Variants in RHEX observed in about 807,000 individuals in gnomAD.
RHEX encodes regulator of hemoglobinization and erythroid cell expansion protein.
A neutral mutation model predicts 20.1 loss-of-function variants in RHEX; 18 were observed. That is an observed-to-expected ratio of 0.90 (90% CI 0.62 to 1.33). The LOEUF (loss-of-function observed/expected upper bound fraction) is 1.33. RHEX is among the 40% of genes most tolerant of loss of function. The probability of loss-of-function intolerance (pLI) is 0.00; values close to 1 mark genes in which losing one functional copy is unlikely to be tolerated. For missense variants in RHEX, 192 were observed against 214.3 expected, an observed-to-expected ratio of 0.90 and a Z score of 0.65; for synonymous variants, 87 against 77.1, an observed-to-expected ratio of 1.13 and a Z score of -0.67.
intron 1 of RHEX, among the ~76,000 whole-genome samples, chr1:206,092,071 T>C (rs79939854): frequency 0.046 from 6,887 of 150,852 alleles, 190 homozygotes; most frequent in Non-Finnish European, 0.071. Context: ...TCTTTCTCTC[T>C]CTTTCTTTCT....
At chr1:206,056,203 G>A (rs1348406516) in intron 1 of RHEX, among the ~76,000 whole-genome samples, 3 of 152,264 alleles carry the variant, frequency 2.0e-5, no homozygotes, top group East Asian at 3.9e-4. Flanking sequence ...CCTAACCACC[G>A]AGACCATCCT....
intron 1 of RHEX, among the ~76,000 whole-genome samples, chr1:206,065,755 C>T (rs1341147484): frequency 6.6e-6 from 1 of 152,232 alleles, no homozygotes; most frequent in East Asian, 1.9e-4. Flanking sequence ...GAAGCTGCCT[C>T]TCCATCCATA....
At chr1:206,071,514 A>G (rs1371644944) in intron 1 of RHEX, among the ~76,000 whole-genome samples, 2 of 146,454 alleles carry the variant, frequency 1.4e-5, no homozygotes, top group African/African-American at 5.0e-5. Context: ...ATATGATAAT[A>G]TTCTGTAAAC....
intron 4 of RHEX, among the ~76,000 whole-genome samples, 187 bp from the exon 5 acceptor site, chr1:206,100,949 C>G (rs1663173665): frequency 6.6e-6 from 1 of 152,120 alleles, no homozygotes; most frequent in Non-Finnish European, 1.5e-5. Flanking sequence ...CTACTCTTCC[C>G]CTATTCTGTT....
chr1:206,081,128 T>A (rs1375665331), intron 1 of RHEX, among the ~76,000 whole-genome samples: 1 of 152,016 alleles, frequency 6.6e-6, no homozygotes, highest in Non-Finnish European at 1.5e-5. Flanking sequence ...GGCTGAAGAG[T>A]CTTTTGGAGC....
chr1:206,054,839 T>G (rs1158557155), intron 1 of RHEX, among the ~76,000 whole-genome samples: 2 of 152,270 alleles, frequency 1.3e-5, no homozygotes, highest in Non-Finnish European at 2.9e-5. Context: ...AAAATGGTGT[T>G]TAGCTTTCTT....
intron 1 of RHEX, among the ~76,000 whole-genome samples, chr1:206,069,628 T>C (rs1210344316): frequency 6.6e-6 from 1 of 152,342 alleles, no homozygotes; most frequent in African/African-American, 2.4e-5. Flanking sequence ...CCCTAGCAGC[T>C]GAGGGACTCT....
intron 1 of RHEX, among the ~76,000 whole-genome samples, chr1:206,093,086 G>A (rs1662991643): frequency 6.6e-6 from 1 of 152,126 alleles, no homozygotes; most frequent in South Asian, 2.1e-4. Context: ...GCAGGCCCTA[G>A]CTCCCTTCTT....
rs1003853947 is a variant in RHEX at position 206,067,753 on chromosome 1, C to G, written c.-97+14488C>G. 5.3e-5 allele frequency among the ~76,000 whole-genome samples: 8 copies of G among 152,222 alleles called. No homozygotes were observed. The highest frequency in any genetic ancestry group is 1.9e-4 in the African/African-American group (8 of 41,454). ...GAAAACTTCCCTCCAGTCCCTGCCT[C>G]TTTGCAGACAGCCCCTTCTCTGCCG... On this transcript the variant is annotated intron_variant, in intron 1 of 5. Transcript: ENST00000331555. The surrounding 1 kb of genome is among the most constrained non-coding windows in gnomAD (Gnocchi z 4.6).
At chr1:206,086,199 G>A (rs1204024551) in intron 1 of RHEX, among the ~76,000 whole-genome samples, 1 of 152,178 alleles carries the variant, frequency 6.6e-6, no homozygotes, top group African/African-American at 2.4e-5. Flanking sequence ...GCTCCCACCT[G>A]AAAATCATGA....
At chr1:206,064,588 G>T (rs1204301714) in intron 1 of RHEX, among the ~76,000 whole-genome samples, 22 of 128,044 alleles carry the variant, frequency 1.7e-4, no homozygotes, top group Admixed American at 1.3e-3. Context: ...GCCTCTGCCC[G>T]GCCGCCCCTA....
At chr1:206,100,574 C>T (rs568368546) in intron 4 of RHEX, among the ~76,000 whole-genome samples, 19 of 152,284 alleles carry the variant, frequency 1.2e-4, no homozygotes, top group African/African-American at 4.1e-4. Context: ...TAACCCCTGG[C>T]CCCAAAGCTT....
chr1:206,075,298 A>AG (rs1662617479), intron 1 of RHEX, among the ~76,000 whole-genome samples: 1 of 152,234 alleles, frequency 6.6e-6, no homozygotes, highest in Non-Finnish European at 1.5e-5. Context: ...AATGAAAAAT[A>AG]GAAAAACACC....
chr1:206,055,280 A>T (rs558741562), intron 1 of RHEX, among the ~76,000 whole-genome samples: 1 of 152,390 alleles, frequency 6.6e-6, no homozygotes, highest in South Asian at 2.1e-4. Context: ...CATTCCTTGG[A>T]GACCTGAAGG....
intron 1 of RHEX, among the ~76,000 whole-genome samples, chr1:206,071,575 A>G (rs1432045591): frequency 1.3e-5 from 2 of 150,416 alleles, no homozygotes; most frequent in African/African-American, 4.9e-5. Context: ...GGCATTGAGC[A>G]GTGACTCACA....
intron 1 of RHEX, among the ~76,000 whole-genome samples, chr1:206,092,168 A>G (rs1662967887): frequency 6.6e-6 from 1 of 151,580 alleles, no homozygotes; most frequent in Non-Finnish European, 1.5e-5. Context: ...AAGCTATTCA[A>G]CTGCCTCAGC....
chr1:206,075,139 G>A (rs1662608403), intron 1 of RHEX, among the ~76,000 whole-genome samples: 3 of 152,210 alleles, frequency 2.0e-5, no homozygotes, highest in African/African-American at 4.8e-5. Flanking sequence ...TCTATAGCAC[G>A]GAACATCAAG....
chr1:206,097,528 G>C, intron 1 of RHEX: 1 of 474,482 alleles, frequency 2.1e-6, no homozygotes, highest in South Asian at 2.5e-5. Flanking sequence ...GAAATCTCTG[G>C]GAGTGAAAAT....
chr1:206,066,890 A>T (rs1553284233), intron 1 of RHEX, among the ~76,000 whole-genome samples: 1 of 152,244 alleles, frequency 6.6e-6, no homozygotes. Context: ...TCAAAAGGTG[A>T]AACATAAGGC....
Sources: allele counts gnomAD v4.1 joint callset (sites outside exome capture counted in the v4.1 genomes callset), GRCh38; gene constraint gnomAD v4.1.1; non-coding constraint Gnocchi (gnomAD v3.1); transcripts MANE v1.5; gene names NCBI Gene and HGNC (gene_info 2026-07-23, HGNC 2026-07-21).